Variants in ARPC1A observed in about 807,000 individuals in gnomAD.
The protein encoded by ARPC1A is actin-related protein 2/3 complex subunit 1A.
ARPC1A carries 8 observed loss-of-function variants against 46.9 expected under a neutral mutation model. The observed-to-expected ratio is 0.17, with a 90% CI of 0.10 to 0.31. The LOEUF is 0.31. Ranked by LOEUF, ARPC1A falls within the 10% of genes least tolerant of loss-of-function variation. The pLI is 1.00. For synonymous variants in ARPC1A, 152 were observed against 169.0 expected (o/e 0.90, Z 0.78); for missense variants, 286 against 483.6 (o/e 0.59, Z 3.83).
At chr7:99,363,431 TAAAG>T in intron 8 of ARPC1A, 108 bp from the exon 9 acceptor site, 3 of 805,508 alleles carry the variant, frequency 3.7e-6, no homozygotes, top group East Asian at 2.8e-5. Context: ...ATTTAAAAAA[TAAAG>T]AAGAAGATAA....
intron 2 of ARPC1A, among the ~76,000 whole-genome samples, chr7:99,333,892 T>G (rs2150859179): frequency 6.6e-6 from 1 of 151,548 alleles, no homozygotes; most frequent in South Asian, 2.1e-4. Context: ...ATCCCAGCAC[T>G]TTGGGAGGCC....
In ARPC1A at chr7:99,344,610, G is replaced by A. The variant is rs140489388; in HGVS notation, c.392+95G>A. 413 of 1,271,622 alleles carry A rather than the reference G, an allele frequency of 3.2e-4. 2 individuals are homozygous for A. In the African/African-American group the frequency reaches 5.4e-3, roughly 17 times the overall value. 78.8% of individuals were successfully genotyped at this position (1,271,622 alleles called of 1,614,324 possible). A position where few individuals can be genotyped will look rare whatever the true frequency, so the allele number is the denominator to read the frequency against. On this transcript the variant is annotated intron_variant, in intron 4 of 9. Transcript: ENST00000262942. The stretch of plus-strand genomic sequence containing the variant: ...ACCATAACTCCAGTTTTTCTCATCC[G>A]GAGTTGTGTGGTTTTTTCTCTGAAA...
chr7:99,357,785 C>T (rs770438300), intron 6 of ARPC1A, among the ~76,000 whole-genome samples: 5 of 152,234 alleles, frequency 3.3e-5, no homozygotes, highest in Non-Finnish European at 5.9e-5. Flanking sequence ...CACATACACA[C>T]ACATGGCCCA....
chr7:99,354,540 A>C (rs1449621590), intron 6 of ARPC1A, among the ~76,000 whole-genome samples: 1 of 151,208 alleles, frequency 6.6e-6, no homozygotes, highest in Non-Finnish European at 1.5e-5. Context: ...AAAAAAAAAA[A>C]AACACCTCAA....
chr7:99,344,649 CTG>C, intron 4 of ARPC1A, 134 bp downstream of exon 4: 7 of 941,646 alleles, frequency 7.4e-6, no homozygotes, highest in Non-Finnish European at 9.4e-6. Flanking sequence ...TCGATTCTGT[CTG>C]AGCATTTTCC....
rs549488909 is a variant in ARPC1A at position 99,334,511 on chromosome 7, A to G, written c.64+1094A>G. Among the ~76,000 whole-genome samples the G allele has an allele frequency of 4.6e-5, 7 of 152,334 alleles. No individual in the cohort carries two copies. In the South Asian group the frequency reaches 1.2e-3, roughly 27 times the overall value. ...AGAAACCATTGCATAATCCAGGATC[A>G]CAACAATGTGTGCCTATGCCTGTGT... On this transcript the variant is annotated intron_variant, in intron 2 of 9. Transcript: ENST00000262942.
At chr7:99,363,507 A>G (rs1306178703) in intron 8 of ARPC1A, 36 bp from the exon 9 acceptor site, 4 of 1,492,354 alleles carry the variant, frequency 2.7e-6, no homozygotes, top group Non-Finnish European at 3.7e-6. Flanking sequence ...CTTCCACTAC[A>G]TACCTTACGA....
At chr7:99,335,347 T>C in intron 2 of ARPC1A, 1 of 411,998 alleles carries the variant, frequency 2.4e-6, no homozygotes. Context: ...CTCTCTGTTT[T>C]ATTGCCTTGG....
At chr7:99,326,717 C>T (rs1042623789) in intron 1 of ARPC1A, among the ~76,000 whole-genome samples, 3 of 152,220 alleles carry the variant, frequency 2.0e-5, no homozygotes, top group Non-Finnish European at 4.4e-5. Context: ...GCATAAATTG[C>T]TTAGAATAGT....
Position 99,360,912 on chromosome 7 carries a change from G to A in ARPC1A, c.983+1174G>A, listed in dbSNP as rs76504346. Among the ~76,000 whole-genome samples the A allele has an allele frequency of 8.4e-3, 1,168 of 138,918 alleles. 16 individuals are homozygous for A. The highest frequency in any genetic ancestry group is 0.03 in the African/African-American group (1,029 of 34,358). 91.1% of individuals were successfully genotyped at this position (138,918 alleles called of 152,430 possible). ...GCCAAGATTGAGCTACTGCACTCCC[G>A]CCTGGGTGACAGAGTGAGACTCCGT... is the stretch of plus-strand genomic sequence containing the variant. On this transcript the variant is annotated intron_variant, in intron 8 of 9. Transcript: ENST00000262942.
chr7:99,333,024 G>A (rs1562795864), intron 1 of ARPC1A, among the ~76,000 whole-genome samples: 1 of 152,078 alleles, frequency 6.6e-6, no homozygotes, highest in Non-Finnish European at 1.5e-5. Context: ...AGCCTCCCGA[G>A]TAGCTGGAAC....
intron 2 of ARPC1A, among the ~76,000 whole-genome samples, chr7:99,334,751 G>A (rs1011309818): frequency 5.9e-5 from 9 of 151,956 alleles, no homozygotes; most frequent in Non-Finnish European, 1.3e-4. Flanking sequence ...GTGCAATCTC[G>A]GCTTACTGCA....
intron 5 of ARPC1A, among the ~76,000 whole-genome samples, chr7:99,351,944 G>A (rs553363096): frequency 3.9e-5 from 6 of 152,234 alleles, no homozygotes; most frequent in South Asian, 4.1e-4. Flanking sequence ...TAGTGGAAAC[G>A]GGCGACACCA....
chr7:99,358,593 G>A, intron 7 of ARPC1A, 178 bp downstream of exon 7: 1 of 575,258 alleles, frequency 1.7e-6, no homozygotes, highest in Non-Finnish European at 3.0e-6. Flanking sequence ...CCAGGCTGGA[G>A]TGCAATGGGT....
intron 3 of ARPC1A, among the ~76,000 whole-genome samples, chr7:99,343,027 T>C (rs951590898): frequency 3.9e-5 from 6 of 152,126 alleles, no homozygotes; most frequent in Non-Finnish European, 7.4e-5. Flanking sequence ...CTATGACTTA[T>C]GGGTAATTGA....
intron 2 of ARPC1A, among the ~76,000 whole-genome samples, chr7:99,334,135 C>T (rs1793200646): frequency 6.6e-6 from 1 of 151,020 alleles, no homozygotes; most frequent in Admixed American, 6.6e-5. Context: ...CCGAGGCGGG[C>T]AGATCATTTG....
intron 3 of ARPC1A, among the ~76,000 whole-genome samples, chr7:99,338,810 T>A (rs1793311133): frequency 6.6e-6 from 1 of 152,202 alleles, no homozygotes; most frequent in Non-Finnish European, 1.5e-5. Context: ...ACCGTTGCTA[T>A]GGAAAGCACT....
intron 1 of ARPC1A, among the ~76,000 whole-genome samples, chr7:99,332,425 G>A (rs529494556): frequency 6.6e-6 from 1 of 152,188 alleles, no homozygotes; most frequent in Non-Finnish European, 1.5e-5. Context: ...TTTCTTCAAC[G>A]TAAAGGCATC....
chr7:99,331,432 G>C (rs1307752392), intron 1 of ARPC1A, among the ~76,000 whole-genome samples: 2 of 149,988 alleles, frequency 1.3e-5, no homozygotes, highest in African/African-American at 2.5e-5. Context: ...AGAAGTTACA[G>C]AAGACATCAT....
Sources: gnomAD v4.1 joint callset for allele counts (sites outside exome capture counted in the v4.1 genomes callset) on GRCh38, gnomAD v4.1.1 for gene constraint, MANE v1.5 for transcripts, NCBI Gene and HGNC (gene_info 2026-07-23, HGNC 2026-07-21) for gene names.